FGF12: variants seen among roughly 807,000 people sequenced by gnomAD.
FGF12 encodes fibroblast growth factor 12B.
Under a neutral mutation model 23.6 loss-of-function variants are expected in FGF12, and 14 were observed. The ratio of observed to expected loss-of-function variants is 0.59; its 90% CI spans 0.39 to 0.93. The LOEUF (loss-of-function observed/expected upper bound fraction) is 0.93. Among genes scored for constraint, FGF12 ranks in the 40% least tolerant of loss-of-function variants. The probability of loss-of-function intolerance (pLI) is 0.00; values close to 1 mark genes in which losing one functional copy is unlikely to be tolerated. For synonymous variants in FGF12, 62 were observed against 77.3 expected (o/e 0.80, Z 1.04); for missense variants, 175 against 217.8 (o/e 0.80, Z 1.24).
intron 2 of FGF12, among the ~76,000 whole-genome samples, chr3:192,536,589 T>C (rs1725228902): frequency 6.6e-6 from 1 of 152,110 alleles, no homozygotes. Flanking sequence ...GTAAAATATG[T>C]TGAGAATTTT....
intron 4 of FGF12, among the ~76,000 whole-genome samples, chr3:192,223,457 T>C (rs980026648): frequency 1.3e-5 from 2 of 152,172 alleles, no homozygotes; most frequent in Non-Finnish European, 2.9e-5. Context: ...ATTTCTATTA[T>C]CAGCTATAAT....
Position 192,335,428 on chromosome 3 carries a change from A to G in FGF12, c.161T>C (p.Val54Ala). 1 of 1,613,262 alleles carries G rather than the reference A, an allele frequency of 6.2e-7. No individual in the cohort carries two copies. The highest frequency in any genetic ancestry group is 8.5e-7 in the Non-Finnish European group (1 of 1,179,458). ...GCTAGCCTTCACTCCTTGGATGGCC[A>G]CTACACGCAGGCCCACGGGAATTAG... ...FNLIPVGLRV[V>A]AIQGVKASLY... Residue 54 changes from valine (V) to alanine (A), a missense_variant, in exon 4 of 6, where the codon GTG (valine) becomes GCG (alanine). By Grantham distance (64) the Val-to-Ala change is moderately conservative. Transcript: ENST00000445105.
chr3:192,437,758 C>G (rs945838099), intron 2 of FGF12, among the ~76,000 whole-genome samples: 2 of 152,028 alleles, frequency 1.3e-5, no homozygotes, highest in Non-Finnish European at 2.9e-5. Context: ...GCTAGTAACC[C>G]CCAGTTCCAA....
chr3:192,454,323 C>T (rs1028877134), intron 2 of FGF12, among the ~76,000 whole-genome samples: 1 of 152,194 alleles, frequency 6.6e-6, no homozygotes, highest in African/African-American at 2.4e-5. Context: ...CAGGCATGAG[C>T]CACTGCGCCA....
intron 2 of FGF12, among the ~76,000 whole-genome samples, chr3:192,592,341 T>G (rs1251767268): frequency 2.0e-5 from 3 of 151,864 alleles, no homozygotes; most frequent in Admixed American, 6.6e-5. Flanking sequence ...ACTACCTGGT[T>G]CTAGGTATTG....
intron 2 of FGF12, among the ~76,000 whole-genome samples, chr3:192,379,323 T>C (rs569306026): frequency 1.5e-4 from 23 of 151,504 alleles, no homozygotes; most frequent in Admixed American, 1.2e-3. Flanking sequence ...TCATGTATTC[T>C]GGAGATAACC....
intron 4 of FGF12, among the ~76,000 whole-genome samples, chr3:192,192,080 T>C (rs1452060738): frequency 1.3e-5 from 2 of 152,216 alleles, no homozygotes; most frequent in Non-Finnish European, 2.9e-5. Context: ...GGACAAACTC[T>C]AGAGAAATCA....
At chr3:192,152,510 T>G (rs1714116023) in intron 5 of FGF12, among the ~76,000 whole-genome samples, 1 of 151,064 alleles carries the variant, frequency 6.6e-6, no homozygotes, top group Non-Finnish European at 1.5e-5. Flanking sequence ...TCTGGTATGT[T>G]ATGTCTTTGT....
At chr3:192,427,462 A>G (rs1560108096) in intron 2 of FGF12, among the ~76,000 whole-genome samples, 1 of 152,098 alleles carries the variant, frequency 6.6e-6, no homozygotes, top group African/African-American at 2.4e-5. Context: ...TGCCAAACAT[A>G]CTCTAGGTTC....
At chr3:192,462,887 G>A (rs575078376) in intron 2 of FGF12, among the ~76,000 whole-genome samples, 12 of 152,286 alleles carry the variant, frequency 7.9e-5, no homozygotes, top group African/African-American at 2.4e-4. Context: ...GAAGCACTCT[G>A]TAGAAGCTAC....
rs1225071215 is a variant in FGF12, at chr3:192,726,186, C to G, written c.13+995G>C. Reference sequence around the variant, plus strand: ...GATCCTAAGTACATTACCACAGTGACTGACATTCCTGGTTTAAAAATAAAA... The same window carrying G: ...GATCCTAAGTACATTACCACAGTGAGTGACATTCCTGGTTTAAAAATAAAA... On this transcript the variant is annotated intron_variant, in intron 2 of 5. Coordinates refer to ENST00000445105, the MANE Select transcript of FGF12 (RefSeq NM_004113.6). 2.0e-5 allele frequency among the ~76,000 whole-genome samples: 3 copies of G among 152,358 alleles called. No individual in the cohort carries two copies. The East Asian group carries it at 5.8e-4, about 29-fold the overall frequency.
intron 4 of FGF12, among the ~76,000 whole-genome samples, chr3:192,185,959 G>GA (rs1215191806): frequency 6.6e-5 from 10 of 151,400 alleles, no homozygotes; most frequent in African/African-American, 2.4e-4. Flanking sequence ...GAAAGAGAGA[G>GA]AAAAAACATT....
chr3:192,318,176 C>T (rs1168316317), intron 4 of FGF12, among the ~76,000 whole-genome samples: 1 of 152,172 alleles, frequency 6.6e-6, no homozygotes, highest in African/African-American at 2.4e-5. Context: ...AAATACTTAA[C>T]TTCAATGCCC....
intron 2 of FGF12, among the ~76,000 whole-genome samples, chr3:192,602,722 CA>C (rs5855439): frequency 0.33 from 41,876 of 125,484 alleles, 5,823 homozygotes; most frequent in East Asian, 0.37. Flanking sequence ...CACAAAGGCC[CA>C]AAAAAAAAAA....
At chr3:192,413,259 G>A (rs751144923) in intron 2 of FGF12, among the ~76,000 whole-genome samples, 36 of 152,136 alleles carry the variant, frequency 2.4e-4, no homozygotes, top group Non-Finnish European at 4.4e-5. Flanking sequence ...ATTACATCCA[G>A]GGCTCTGTCA....
At chr3:192,375,493 T>C (rs532041578) in intron 2 of FGF12, among the ~76,000 whole-genome samples, 83 of 152,294 alleles carry the variant, frequency 5.4e-4, no homozygotes, top group African/African-American at 2.0e-3. Context: ...TAAGCTTTTA[T>C]CAAATAATGC....
intron 2 of FGF12, among the ~76,000 whole-genome samples, chr3:192,718,657 A>G (rs1718939358): frequency 6.6e-6 from 1 of 152,174 alleles, no homozygotes; most frequent in South Asian, 2.1e-4. Flanking sequence ...ATCAATTTAG[A>G]CATGAACCTG....
chr3:192,503,571 T>C (rs1183370836), intron 2 of FGF12, among the ~76,000 whole-genome samples: 17 of 117,856 alleles, frequency 1.4e-4, no homozygotes, highest in Non-Finnish European at 1.7e-5. Context: ...TAGTTTTTGT[T>C]TTGGTTTTTT....
intron 4 of FGF12, among the ~76,000 whole-genome samples, chr3:192,223,745 G>T (rs1718589859): frequency 6.6e-6 from 1 of 151,916 alleles, no homozygotes; most frequent in Non-Finnish European, 1.5e-5. Context: ...AGTGCCCTTG[G>T]GGAGCTATAA....
Sources: allele counts gnomAD v4.1 joint callset (sites outside exome capture counted in the v4.1 genomes callset), GRCh38; gene constraint gnomAD v4.1.1; transcripts MANE v1.5; gene names NCBI Gene and HGNC (gene_info 2026-07-23, HGNC 2026-07-21).